HDAC4: variants seen among roughly 807,000 people sequenced by gnomAD.
HDAC4 encodes histone deacetylase A.
A neutral mutation model predicts 135.1 loss-of-function variants in HDAC4; 16 were observed. That is an observed-to-expected ratio of 0.12 (90% CI 0.08 to 0.18). HDAC4 has a LOEUF of 0.18. HDAC4 is among the 10% of genes least tolerant of loss of function. The probability of loss-of-function intolerance (pLI) is 1.00; values close to 1 mark genes in which losing one functional copy is unlikely to be tolerated. For missense variants in HDAC4, 1,143 were observed against 1,511.8 expected (o/e 0.76, Z 4.05); for synonymous variants, 685 against 653.4 (o/e 1.05, Z -0.74).
At chr2:239,069,405 T>G (rs113780737) in intron 22 of HDAC4, among the ~76,000 whole-genome samples, 17 of 68,176 alleles carry the variant, frequency 2.5e-4, no homozygotes, top group South Asian at 2.2e-3. Context: ...TTAGTGAGAG[T>G]GAGTCACGGT....
Position 239,189,818 on chromosome 2 carries a change from C to T in HDAC4, c.339+15G>A, listed in dbSNP as rs371214338. ...CGGAGGCCTGGCCCACCCGCAGCCC[C>T]GCACCGCGCCTCACCTTGATGTGCT... On this transcript the variant is annotated intron_variant, in intron 4 of 26. Coordinates refer to ENST00000543185, the MANE Select transcript of HDAC4 (RefSeq NM_001378414.1). The T allele has an allele frequency of 3.3e-4, 536 of 1,600,182 alleles. No homozygotes were observed. The highest frequency in any genetic ancestry group is 4.0e-4 in the African/African-American group (30 of 74,908).
Position 239,190,182 on chromosome 2 carries a change from G to GC in HDAC4, c.95-106_95-105insG, listed in dbSNP as rs550678265. 1.5e-3 allele frequency: 2,153 copies of GC among 1,411,992 alleles called. 33 individuals carry two copies. Among genetic ancestry groups the GC allele is most frequent in the African/African-American group, 0.012 (699 of 60,118 alleles). 87.5% of individuals were successfully genotyped at this position (1,411,992 alleles called of 1,614,324 possible). ...TGGCCACCTTCACGGGGCGGGGGGG[G>GC]GGTTGTGACCATTTGAGGATTGGAT... is the stretch of plus-strand genomic sequence containing the variant. On this transcript the variant is annotated intron_variant, in intron 3 of 26. Coordinates refer to ENST00000543185, the MANE Select transcript of HDAC4 (RefSeq NM_001378414.1).
intron 19 of HDAC4, among the ~76,000 whole-genome samples, chr2:239,084,463 GCGCACACA>G (rs772020103): frequency 2.4e-4 from 35 of 146,946 alleles, no homozygotes; most frequent in African/African-American, 8.5e-4. Flanking sequence ...ACGCGTGCGC[GCGCACACA>G]CACACACACA....
chr2:239,312,099 G>A (rs1001990694), intron 2 of HDAC4, among the ~76,000 whole-genome samples: 1 of 152,162 alleles, frequency 6.6e-6, no homozygotes, highest in African/African-American at 2.4e-5. Context: ...GAACCTCGGC[G>A]CTGACATCAC....
intron 6 of HDAC4, among the ~76,000 whole-genome samples, chr2:239,162,723 T>C (rs985253146): frequency 6.6e-6 from 1 of 152,152 alleles, no homozygotes; most frequent in African/African-American, 2.4e-5. Context: ...GTGCAGCTTA[T>C]GTGCCACTGG....
In HDAC4 at chr2:239,400,087, G is replaced by A. The variant is rs1327410128; in HGVS notation, c.-220+891C>T. Among the ~76,000 whole-genome samples the A allele has an allele frequency of 6.6e-6, 1 of 151,994 alleles. No homozygotes were observed. Among genetic ancestry groups the A allele is most frequent in the East Asian group, 1.9e-4 (1 of 5,150 alleles). On this transcript the variant is annotated intron_variant, in intron 1 of 26. Coordinates refer to ENST00000543185, the MANE Select transcript of HDAC4 (RefSeq NM_001378414.1). The surrounding 1 kb of genome is among the most constrained non-coding windows in gnomAD (Gnocchi z 4.7). Reference sequence around the variant, plus strand: ...CGAGATAATTTGCTTATGATTCCGTGGTGTGTTTTCGCAACGCCGGCAAAC... The same window carrying A: ...CGAGATAATTTGCTTATGATTCCGTAGTGTGTTTTCGCAACGCCGGCAAAC...
Position 239,352,968 on chromosome 2 carries a change from C to T in HDAC4, c.-219-50G>A, listed in dbSNP as rs1005319827. 1.4e-5 allele frequency: 7 copies of T among 489,498 alleles called. No homozygotes were observed. Among genetic ancestry groups the T allele is most frequent in the African/African-American group, 1.2e-4 (6 of 51,492 alleles). The allele number at this position is 489,498 out of a possible 1,614,324, so 30.3% of individuals were successfully genotyped here. ...GACTGGAGTTACAACATGGAAGTTC[C>T]GATCTGGAAAACAACATCCAACTAG... On this transcript the variant is annotated intron_variant, in intron 1 of 26. Coordinates refer to ENST00000543185, the MANE Select transcript of HDAC4 (RefSeq NM_001378414.1). This position sits in a 1 kb window ranked among gnomAD's most constrained non-coding sequence, Gnocchi z 4.4.
At position 239,197,263 on chromosome 2, in the gene HDAC4, G is replaced by A. The variant is rs76118981; in HGVS notation, c.95-7186C>T. Among the ~76,000 whole-genome samples, 1,221 of 152,284 alleles carry A rather than the reference G, an allele frequency of 8.0e-3. 23 individuals are homozygous for A. Among genetic ancestry groups the A allele is most frequent in the African/African-American group, 0.028 (1,165 of 41,548 alleles). On this transcript the variant is annotated intron_variant, in intron 3 of 26. Coordinates refer to ENST00000543185, the MANE Select transcript of HDAC4 (RefSeq NM_001378414.1). ...CCTTCGCCTTCGGGATTCTGAAGGC[G>A]CAACTCTGTTGTCTTCCTCTCCCAG...
intron 2 of HDAC4, among the ~76,000 whole-genome samples, chr2:239,250,511 G>A (rs1323610559): frequency 7.2e-6 from 1 of 139,008 alleles, no homozygotes; most frequent in African/African-American, 2.7e-5. Context: ...GCCACTGGCT[G>A]GAGCCTCCAG....
chr2:239,092,846 TTTC>T (rs1194498737), intron 17 of HDAC4, among the ~76,000 whole-genome samples: 1 of 152,044 alleles, frequency 6.6e-6, no homozygotes, highest in African/African-American at 2.4e-5. Flanking sequence ...CTGTGTTTCG[TTTC>T]TTTTTTTTTT....
At chr2:239,330,334 C>T (rs909880451) in intron 2 of HDAC4, among the ~76,000 whole-genome samples, 51 of 152,244 alleles carry the variant, frequency 3.3e-4, no homozygotes, top group South Asian at 4.1e-4. Flanking sequence ...CAGGAGACCC[C>T]GCGAGGGAGT....
At chr2:239,131,789 T>C (rs1222707295) in intron 11 of HDAC4, among the ~76,000 whole-genome samples, 1 of 152,230 alleles carries the variant, frequency 6.6e-6, no homozygotes, top group Non-Finnish European at 1.5e-5. Context: ...GGCCGTGCAC[T>C]GGATGTGGTG....
rs1395573023 is a variant in HDAC4, at chr2:239,366,744, C to T, written c.-219-13826G>A. 3.9e-5 allele frequency among the ~76,000 whole-genome samples: 6 copies of T among 152,110 alleles called. No individual in the cohort carries two copies. The South Asian group carries it at 6.2e-4, about 16-fold the overall frequency. Reference sequence around the variant, plus strand: ...TTAACATCAACTGCCATGAACACCCCGAGAGAGCAAAAGGCCAGTGGGGTC... The same window carrying T: ...TTAACATCAACTGCCATGAACACCCTGAGAGAGCAAAAGGCCAGTGGGGTC... On this transcript the variant is annotated intron_variant, in intron 1 of 26. Transcript: ENST00000543185.
At chr2:239,334,847 A>AC in intron 2 of HDAC4, among the ~76,000 whole-genome samples, 1 of 151,446 alleles carries the variant, frequency 6.6e-6, no homozygotes, top group South Asian at 2.1e-4. Flanking sequence ...ACGGTGAAAC[A>AC]CCCCCCTCTA....
chr2:239,275,615 C>T (rs1425638119), intron 2 of HDAC4, among the ~76,000 whole-genome samples: 1 of 152,154 alleles, frequency 6.6e-6, no homozygotes, highest in Non-Finnish European at 1.5e-5. Flanking sequence ...CCCCTGCCTG[C>T]ACGGTCTGTG....
chr2:239,288,006 A>AT (rs1477347731), intron 2 of HDAC4, among the ~76,000 whole-genome samples: 3 of 152,008 alleles, frequency 2.0e-5, no homozygotes, highest in Non-Finnish European at 4.4e-5. Flanking sequence ...TCTGAGGTTA[A>AT]TTTTTACAAA....
intron 2 of HDAC4, among the ~76,000 whole-genome samples, chr2:239,343,768 C>T (rs538006347): frequency 9.2e-5 from 14 of 152,314 alleles, no homozygotes; most frequent in African/African-American, 3.1e-4. Flanking sequence ...AGTGTTCTGC[C>T]GCAGAGAGGC....
intron 2 of HDAC4, among the ~76,000 whole-genome samples, chr2:239,256,793 A>G (rs990043021): frequency 1.5e-4 from 23 of 152,258 alleles, no homozygotes; most frequent in African/African-American, 4.6e-4. Flanking sequence ...GATTTCAAAT[A>G]TAGTCAACTT....
rs145056889 is a variant in HDAC4 at position 239,309,880 on chromosome 2, G to A, written c.22+42798C>T. ...GCAGCCCCTAGCAGAAGGGTGTTCT[G>A]GAAGCTGCCCCCTCCCATGCTGCTG... On this transcript the variant is annotated intron_variant, in intron 2 of 26. Transcript: ENST00000543185. The surrounding 1 kb of genome is among the most constrained non-coding windows in gnomAD (Gnocchi z 4.2). 2.4e-4 allele frequency among the ~76,000 whole-genome samples: 37 copies of A among 152,372 alleles called. No individual in the cohort carries two copies. In the East Asian group the frequency reaches 5.6e-3, roughly 23 times the overall value.
Sources: gnomAD v4.1 joint callset for allele counts (sites outside exome capture counted in the v4.1 genomes callset) on GRCh38, gnomAD v4.1.1 for gene constraint, Gnocchi (gnomAD v3.1) non-coding constraint, MANE v1.5 for transcripts, NCBI Gene and HGNC (gene_info 2026-07-23, HGNC 2026-07-21) for gene names.